The following FOXP2 variants were observed in gnomAD, a reference collection of about 807,000 sequenced individuals.
FOXP2 encodes the protein forkhead box P2, also known as forkhead box protein P2.
Under a neutral mutation model 115.8 loss-of-function variants are expected in FOXP2, and 12 were observed. The ratio of observed to expected loss-of-function variants is 0.10; its 90% confidence interval spans 0.07 to 0.17. The LOEUF (loss-of-function observed/expected upper bound fraction) is 0.17, where lower values mean the gene tolerates loss of function less well. Ranked by LOEUF, FOXP2 falls within the 10% of genes least tolerant of loss-of-function variation. The pLI, the probability that FOXP2 is intolerant of heterozygous loss-of-function variation, is 1.00. For synonymous variants in FOXP2, 328 were observed against 297.7 expected, an observed-to-expected ratio of 1.10 and a Z score of -1.05; for missense variants, 629 against 843.5, an observed-to-expected ratio of 0.75 and a Z score of 3.15.
At chr7:114,564,062 A>G (rs1563002003) in intron 3 of FOXP2, among the ~76,000 whole-genome samples, 1 of 152,064 alleles carries the variant, frequency 6.6e-6, no homozygotes, top group Non-Finnish European at 1.5e-5. Context: ...TCTACTTGTC[A>G]AAAAACAAAC....
In FOXP2 at chr7:114,255,177, C is replaced by T. The variant is rs182716074; in HGVS notation, c.-101-32842C>T. 4.5e-3 allele frequency among the ~76,000 whole-genome samples: 610 copies of T among 135,614 alleles called. 7 individuals carry two copies. Among genetic ancestry groups the T allele is most frequent in the African/African-American group, 0.016 (586 of 35,536 alleles). 89.0% of individuals were successfully genotyped at this position (135,614 alleles called of 152,430 possible). Reference sequence around the variant, plus strand: ...AGCCTGGTCTCAGAGGGGTACCTGGCCGTGTGAGATGTCAGTCTGCCCCTA... The same window carrying T: ...AGCCTGGTCTCAGAGGGGTACCTGGTCGTGTGAGATGTCAGTCTGCCCCTA... On this transcript the variant is annotated intron_variant, in intron 1 of 17. Transcript: ENST00000634411.
intron 1 of FOXP2, among the ~76,000 whole-genome samples, chr7:114,419,576 C>T (rs1034577089): frequency 6.6e-6 from 1 of 151,782 alleles, no homozygotes; most frequent in Non-Finnish European, 1.5e-5. Context: ...GTGACTCATG[C>T]TAACATTAGT....
chr7:114,433,749 T>A (rs1485357542), intron 2 of FOXP2, among the ~76,000 whole-genome samples: 1 of 151,968 alleles, frequency 6.6e-6, no homozygotes, highest in African/African-American at 2.4e-5. Flanking sequence ...GAGATCCAAG[T>A]CAGTTATTTG....
At chr7:114,102,148 C>G (rs1420658346) in intron 1 of FOXP2, among the ~76,000 whole-genome samples, 1 of 151,946 alleles carries the variant, frequency 6.6e-6, no homozygotes, top group Non-Finnish European at 1.5e-5. Flanking sequence ...TATACTGTTT[C>G]TTGCCATGTA....
intron 1 of FOXP2, among the ~76,000 whole-genome samples, chr7:114,250,850 T>C (rs922140958): frequency 3.9e-5 from 6 of 152,202 alleles, no homozygotes; most frequent in Middle Eastern, 3.2e-3. Context: ...GCTTTTGGTG[T>C]TTTAGACATG....
At chr7:114,337,714 C>A (rs1172489519) in intron 2 of FOXP2, among the ~76,000 whole-genome samples, 1 of 150,928 alleles carries the variant, frequency 6.6e-6, no homozygotes, top group Non-Finnish European at 1.5e-5. Context: ...TGTAAGCAAG[C>A]CGATTTTGTA....
intron 2 of FOXP2, among the ~76,000 whole-genome samples, chr7:114,385,959 C>T (rs1201861392): frequency 6.6e-6 from 1 of 152,182 alleles, no homozygotes; most frequent in Non-Finnish European, 1.5e-5. Flanking sequence ...CTATTAGAAG[C>T]CGTGGGTCAC....
At chr7:114,610,105 T>G (rs1803550180) in intron 3 of FOXP2, among the ~76,000 whole-genome samples, 2 of 152,242 alleles carry the variant, frequency 1.3e-5, no homozygotes, top group Admixed American at 1.3e-4. Flanking sequence ...GATGCATATC[T>G]GTTGTGTATG....
intron 15 of FOXP2, 115 bp downstream of exon 15, chr7:114,663,634 C>T: frequency 1.2e-6 from 1 of 837,274 alleles, no homozygotes; most frequent in Non-Finnish European, 2.0e-6. Context: ...GGTTTATCAT[C>T]CAAGTTGTAG....
chr7:114,659,222 G>A (rs903994227), intron 11 of FOXP2, 134 bp from the exon 12 acceptor site: 1 of 707,938 alleles, frequency 1.4e-6, no homozygotes, highest in Non-Finnish European at 2.5e-6. Context: ...CAATTCCACT[G>A]TCATGCTTTG....
intron 2 of FOXP2, among the ~76,000 whole-genome samples, chr7:114,492,661 C>T (rs552230197): frequency 6.6e-6 from 1 of 152,084 alleles, no homozygotes; most frequent in African/African-American, 2.4e-5. Flanking sequence ...GCCTTCATTT[C>T]GTTATGTACC....
intron 2 of FOXP2, among the ~76,000 whole-genome samples, chr7:114,337,520 A>G (rs1412218247): frequency 6.6e-6 from 1 of 151,260 alleles, no homozygotes; most frequent in Non-Finnish European, 1.5e-5. Flanking sequence ...AACTAAATTT[A>G]AAACAAAGAG....
chr7:114,683,110 G>T (rs915613870), intron 16 of FOXP2, among the ~76,000 whole-genome samples: 4 of 152,156 alleles, frequency 2.6e-5, no homozygotes, highest in Admixed American at 1.3e-4. Flanking sequence ...TTCCAGCTCT[G>T]ATATCTTTTT....
chr7:114,683,761 T>A (rs1808215595), intron 16 of FOXP2, among the ~76,000 whole-genome samples: 1 of 152,120 alleles, frequency 6.6e-6, no homozygotes, highest in Non-Finnish European at 1.5e-5. Flanking sequence ...AAAAATGTCT[T>A]GGAGTAGGAA....
intron 1 of FOXP2, among the ~76,000 whole-genome samples, chr7:114,182,338 A>T (rs1361984792): frequency 6.6e-6 from 1 of 152,062 alleles, no homozygotes; most frequent in Non-Finnish European, 1.5e-5. Context: ...CTGTCTTTTT[A>T]AAAAAGAAAA....
chr7:114,245,153 C>T (rs1455526030), intron 1 of FOXP2, among the ~76,000 whole-genome samples: 1 of 151,884 alleles, frequency 6.6e-6, no homozygotes, highest in Non-Finnish European at 1.5e-5. Context: ...CTTTTTTCTA[C>T]CCTCTTGGTC....
intron 2 of FOXP2, chr7:114,297,442 C>A: frequency 2.1e-6 from 1 of 477,604 alleles, no homozygotes; most frequent in South Asian, 2.3e-5. Flanking sequence ...TGCTGCTCTT[C>A]AATGGCTGCC....
At chr7:114,144,086 T>C (rs983663454) in intron 1 of FOXP2, among the ~76,000 whole-genome samples, 4 of 152,136 alleles carry the variant, frequency 2.6e-5, no homozygotes, top group African/African-American at 7.2e-5. Context: ...TTAGATGATT[T>C]TGCCCATCTG....
intron 1 of FOXP2, among the ~76,000 whole-genome samples, chr7:114,257,337 A>C (rs907173469): frequency 6.6e-6 from 1 of 152,162 alleles, no homozygotes; most frequent in African/African-American, 2.4e-5. Context: ...AAACTATAAA[A>C]ACCCTAGAAG....
Sources: gnomAD v4.1 joint callset for allele counts (sites outside exome capture counted in the v4.1 genomes callset) on GRCh38, gnomAD v4.1.1 for gene constraint, MANE v1.5 for transcripts, NCBI Gene and HGNC (gene_info 2026-07-23, HGNC 2026-07-21) for gene names.